Variants in BSCL2 observed in about 807,000 individuals in gnomAD.
BSCL2 encodes BSCL2 lipid droplet biogenesis associated, seipin, also known as seipin.
Under a neutral mutation model 57.4 loss-of-function variants are expected in BSCL2, and 41 were observed. That is an observed-to-expected ratio of 0.71 (90% CI 0.56 to 0.93). The LOEUF (loss-of-function observed/expected upper bound fraction) is 0.93, where lower values mean the gene tolerates loss of function less well. Among genes scored for constraint, BSCL2 ranks in the 40% least tolerant of loss-of-function variants. The pLI, the probability that BSCL2 is intolerant of heterozygous loss-of-function variation, is 0.00. For missense variants in BSCL2, 539 were observed against 586.7 expected, an observed-to-expected ratio of 0.92 and a Z score of 0.84; for synonymous variants, 237 against 227.3, an observed-to-expected ratio of 1.04 and a Z score of -0.38.
upstream of BSCL2, chr11:62,708,295 G>A: frequency 1.3e-5 from 21 of 1,605,316 alleles, no homozygotes; most frequent in Non-Finnish European, 1.8e-5. Context: ...TTTTTTCCAG[G>A]ATGAAAGGTG....
intron 3 of BSCL2, among the ~76,000 whole-genome samples, chr11:62,695,238 C>T (rs149691911): frequency 1.1e-4 from 16 of 152,298 alleles, no homozygotes; most frequent in African/African-American, 3.9e-4. Context: ...ACAGGGATCA[C>T]CCTCAAGAGG....
upstream of BSCL2, chr11:62,708,159 T>C (rs928276440): frequency 8.6e-6 from 6 of 695,430 alleles, no homozygotes; most frequent in Non-Finnish European, 1.6e-5. Context: ...GACAGTCCAC[T>C]GGAGGAGGAG....
At chr11:62,692,507 C>G (rs1945339439) in intron 5 of BSCL2, 34 bp from the exon 6 acceptor site, 1 of 1,611,388 alleles carries the variant, frequency 6.2e-7, no homozygotes, top group Non-Finnish European at 8.5e-7. Flanking sequence ...GGCGTCAGGC[C>G]AGGGTCCTGC....
intron 4 of BSCL2, 139 bp from the exon 5 acceptor site, chr11:62,692,936 A>G: frequency 9.5e-7 from 1 of 1,051,214 alleles, no homozygotes; most frequent in Non-Finnish European, 1.4e-6. Context: ...TTCACTTCCT[A>G]CCCCTCAGTC....
chr11:62,706,269 C>A, intron 1 of BSCL2: 1 of 1,097,354 alleles, frequency 9.1e-7, no homozygotes, highest in Non-Finnish European at 1.1e-6. Context: ...CAGCCTCGCG[C>A]GCTGCCAGGG....
At chr11:62,695,165 T>A (rs1945419294) in intron 3 of BSCL2, among the ~76,000 whole-genome samples, 1 of 152,204 alleles carries the variant, frequency 6.6e-6, no homozygotes, top group South Asian at 2.1e-4. Context: ...TTTCTGCCAT[T>A]CTAGCTCCCT....
chr11:62,707,073 T>G, intron 1 of BSCL2, 36 bp downstream of exon 1: 3 of 1,526,138 alleles, frequency 2.0e-6, no homozygotes, highest in East Asian at 2.5e-5. Context: ...CTATTTCCAG[T>G]ATATTTCTGC....
chr11:62,694,800 G>T, intron 3 of BSCL2, 89 bp from the exon 4 acceptor site: 1 of 1,456,530 alleles, frequency 6.9e-7, no homozygotes, highest in Non-Finnish European at 9.4e-7. Context: ...CCCCCGCAAC[G>T]CCCCCAAATA....
At chr11:62,698,651 C>A (rs1945547199) in intron 3 of BSCL2, among the ~76,000 whole-genome samples, 1 of 152,202 alleles carries the variant, frequency 6.6e-6, no homozygotes, top group African/African-American at 2.4e-5. Context: ...TTCATTAATT[C>A]ATTTAAAAAT....
chr11:62,708,103 G>A, upstream of BSCL2: 3 of 606,234 alleles, frequency 4.9e-6, no homozygotes, highest in South Asian at 5.7e-5. Flanking sequence ...AGTTTGGGGA[G>A]CACCTCATCC....
In BSCL2 at chr11:62,702,558, G is replaced by T. The variant is rs1590881745; in HGVS notation, c.405-9C>A. ...AGGAATCACAGTCGGTCCTAAATGA[G>T]ATTGGAGGAGGATACTCTGCTAAGT... is the stretch of plus-strand genomic sequence containing the variant. On this transcript the variant is annotated splice_polypyrimidine_tract_variant and intron_variant, in intron 2 of 10. Transcript: ENST00000360796. The T allele has an allele frequency of 6.2e-7, 1 of 1,607,032 alleles. No homozygotes were observed. The highest frequency in any genetic ancestry group is 2.2e-5 in the East Asian group (1 of 44,710).
At chr11:62,709,483 G>T (rs1307441115), upstream of BSCL2, 2 of 454,054 alleles carry the variant, frequency 4.4e-6, no homozygotes, top group Admixed American at 4.7e-5. Flanking sequence ...GAGGGTGCGG[G>T]AGTGCAGTCG....
In BSCL2 at chr11:62,705,340, G is replaced by C; in HGVS notation, c.365C>G (p.Pro122Arg). 1 of 1,613,768 alleles carries C rather than the reference G, an allele frequency of 6.2e-7. No homozygotes were observed. Among genetic ancestry groups the C allele is most frequent in the Non-Finnish European group, 8.5e-7 (1 of 1,179,880 alleles). The part of the protein sequence containing the change: ...LYGSFYYSYM[P>R]TVSHLSPVHF... The stretch of plus-strand genomic sequence containing the variant: ...CACAGGGCTGAGGTGGCTGACTGTC[G>C]GCATATAGGAATAGTAGAAGGAGCC... The change falls in exon 2 of 11, where the codon CCG becomes CGG. Residue 122 changes from proline (P) to arginine (R), a missense_variant. Physicochemically the swap from Pro to Arg is moderately radical, Grantham distance 103 (BLOSUM62 -2). Around this residue, in one of 3 missense-constraint regions of BSCL2, gnomAD observed 218 missense variants for 224.8 expected, o/e 0.97. Coordinates refer to ENST00000360796, the MANE Select transcript of BSCL2 (RefSeq NM_001122955.4).
At chr11:62,699,653 C>T (rs1945581017) in intron 3 of BSCL2, among the ~76,000 whole-genome samples, 1 of 146,754 alleles carries the variant, frequency 6.8e-6, no homozygotes, top group South Asian at 2.2e-4. Context: ...CCAGCCTGGG[C>T]AACATAGCAA....
rs142482979 is a variant in BSCL2, at chr11:62,705,723, A to C, written c.88-106T>G. 1.0e-3 allele frequency: 1,167 copies of C among 1,119,306 alleles called. 2 individuals are homozygous for C. Among genetic ancestry groups the C allele is most frequent in the Non-Finnish European group, 1.3e-3 (1,079 of 809,566 alleles). 69.3% of individuals were successfully genotyped at this position (1,119,306 alleles called of 1,614,324 possible). The stretch of plus-strand genomic sequence containing the variant: ...AGGAACGAGAGATAGCAGGATAGCA[A>C]AGTCATTGTTTCATATATATGGCCT... On this transcript the variant is annotated intron_variant, in intron 1 of 10. Transcript: ENST00000360796.
chr11:62,704,423 G>A (rs1259150696), intron 2 of BSCL2, among the ~76,000 whole-genome samples: 1 of 150,026 alleles, frequency 6.7e-6, no homozygotes, highest in East Asian at 2.0e-4. Flanking sequence ...GCAGGTGCCT[G>A]TAGTACCAGC....
chr11:62,698,196 C>G (rs1454381538), intron 3 of BSCL2, among the ~76,000 whole-genome samples: 1 of 135,206 alleles, frequency 7.4e-6, no homozygotes, highest in Non-Finnish European at 1.6e-5. Flanking sequence ...CGTGAGCCAC[C>G]GTGCCCGGCC....
intron 6 of BSCL2, among the ~76,000 whole-genome samples, chr11:62,692,051 T>TAA (rs5792267): frequency 3.5e-4 from 47 of 132,410 alleles, no homozygotes; most frequent in African/African-American, 1.2e-3. Flanking sequence ...GACCCCCTCT[T>TAA]AAAAAAAAAA....
upstream of BSCL2, chr11:62,708,312 C>T (rs754617907): frequency 3.7e-6 from 6 of 1,611,638 alleles, no homozygotes; most frequent in South Asian, 2.2e-5. Flanking sequence ...GGTGAGACCC[C>T]GGTGAACAGC....
Sources: gnomAD v4.1 joint callset for allele counts (sites outside exome capture counted in the v4.1 genomes callset) on GRCh38, gnomAD v4.1.1 for gene constraint, gnomAD v4.1.1 regional missense constraint, MANE v1.5 for transcripts, NCBI Gene and HGNC (gene_info 2026-07-23, HGNC 2026-07-21) for gene names.